Variants in PIAS1 observed in about 807,000 individuals in gnomAD.
PIAS1 encodes the protein protein inhibitor of activated STAT 1.
A neutral mutation model predicts 71.3 loss-of-function variants in PIAS1; 6 were observed. That is an observed-to-expected ratio of 0.08 (90% CI 0.05 to 0.17). The LOEUF (loss-of-function observed/expected upper bound fraction) is 0.17, where lower values mean the gene tolerates loss of function less well. Among genes scored for constraint, PIAS1 ranks in the 10% least tolerant of loss-of-function variants. The pLI is 1.00. For missense variants in PIAS1, 555 were observed against 793.6 expected (o/e 0.70, Z 3.61); for synonymous variants, 303 against 292.9 (o/e 1.03, Z -0.35).
chr15:68,055,501 GT>G (rs1182734944), intron 1 of PIAS1, among the ~76,000 whole-genome samples: 2 of 152,084 alleles, frequency 1.3e-5, no homozygotes, highest in Non-Finnish European at 2.9e-5. Flanking sequence ...GGGGGAGGGG[GT>G]GGTGGAACCC....
At position 68,187,802 on chromosome 15, in the gene PIAS1, T is replaced by C; in HGVS notation, c.1923T>C (p.Phe641=). ...GCAGCACGGACACGGCATCCATCTTTGGCATCATACCAGACATTATTTCAT... is the reference window on the plus strand; with the variant it reads ...GCAGCACGGACACGGCATCCATCTTCGGCATCATACCAGACATTATTTCAT... ...NRSSTDTASI[F]GIIPDIISLD The change falls in exon 14 of 14, where the codon TTT becomes TTC. Residue 641 remains phenylalanine, a synonymous_variant. Transcript: ENST00000249636. This position sits in a 1 kb window ranked among gnomAD's most constrained non-coding sequence, Gnocchi z 5.3. 3 of 1,613,868 alleles carry C rather than the reference T, an allele frequency of 1.9e-6. No homozygotes were observed. Among genetic ancestry groups the C allele is most frequent in the East Asian group, 2.2e-5 (1 of 44,878 alleles).
At chr15:68,177,294 A>AAAAAG in intron 11 of PIAS1, among the ~76,000 whole-genome samples, 1 of 150,976 alleles carries the variant, frequency 6.6e-6, no homozygotes, top group African/African-American at 2.4e-5. Flanking sequence ...AAAAAAAAAA[A>AAAAAG]AAAGAAAGAA....
At chr15:68,076,089 G>C (rs1036801016) in intron 1 of PIAS1, among the ~76,000 whole-genome samples, 1 of 152,100 alleles carries the variant, frequency 6.6e-6, no homozygotes, top group Non-Finnish European at 1.5e-5. Flanking sequence ...TGGCCACCTA[G>C]GGCTTTTAGA....
chr15:68,098,521 T>G (rs911280830), intron 2 of PIAS1, among the ~76,000 whole-genome samples: 2 of 152,184 alleles, frequency 1.3e-5, no homozygotes, highest in Non-Finnish European at 2.9e-5. Flanking sequence ...AAGGGTCAAT[T>G]GTACTTAATT....
rs1199616389 is a variant in PIAS1 at position 68,192,077 on chromosome 15, A to T, written c.*4242A>T. The T allele has an allele frequency of 6.6e-6, 1 of 152,236 alleles. No homozygotes were observed. The highest frequency in any genetic ancestry group is 1.5e-5 in the Non-Finnish European group (1 of 68,038). 9.4% of individuals were successfully genotyped at this position (152,236 alleles called of 1,614,324 possible). ...GCTTTGACGGAAAGTACCCTCATTT[A>T]TTATATCCAGAACTTGCTCTTCCTG... On this transcript the variant is annotated 3_prime_UTR_variant, in exon 14 of 14. Coordinates refer to ENST00000249636, the MANE Select transcript of PIAS1 (RefSeq NM_016166.3).
At chr15:68,084,656 T>A (rs1048170463) in intron 1 of PIAS1, among the ~76,000 whole-genome samples, 1 of 152,158 alleles carries the variant, frequency 6.6e-6, no homozygotes, top group African/African-American at 2.4e-5. Flanking sequence ...CTTTCTTACT[T>A]GTTTATTTGT....
chr15:68,148,084 T>C (rs543453696), intron 6 of PIAS1, among the ~76,000 whole-genome samples: 1 of 152,326 alleles, frequency 6.6e-6, no homozygotes, highest in South Asian at 2.1e-4. Flanking sequence ...ATACAAAGAA[T>C]GTGAACTTAC....
chr15:68,145,699 T>C (rs1595764043), intron 4 of PIAS1, 117 bp from the exon 5 acceptor site: 1 of 631,714 alleles, frequency 1.6e-6, no homozygotes, highest in East Asian at 2.8e-5. Context: ...CCAGTTTTTA[T>C]AGTTTTCCCT....
chr15:68,166,109 A>T (rs2092956322), intron 8 of PIAS1, among the ~76,000 whole-genome samples: 1 of 152,182 alleles, frequency 6.6e-6, no homozygotes, highest in South Asian at 2.1e-4. Context: ...AGAAAAAAAT[A>T]CAATGAAGTT....
At chr15:68,117,284 C>T (rs1175434659) in intron 2 of PIAS1, among the ~76,000 whole-genome samples, 1 of 152,134 alleles carries the variant, frequency 6.6e-6, no homozygotes, top group Non-Finnish European at 1.5e-5. Flanking sequence ...TGGGGTTTCA[C>T]CATGTTGGCC....
chr15:68,193,649 A>C lies in PIAS1; in HGVS notation c.*5814A>C, dbSNP rs2093130400. ...CTTCCTCAACAGGCTCCATGAGGTA[A>C]GAAGTGGGAATCCAGCTTGTGTGGG... On this transcript the variant is annotated 3_prime_UTR_variant, in exon 14 of 14. Transcript: ENST00000249636. 1 of 209,268 alleles carries C rather than the reference A, an allele frequency of 4.8e-6. No individual in the cohort carries two copies. The highest frequency in any genetic ancestry group is 9.7e-6 in the Non-Finnish European group (1 of 103,552). 13.0% of individuals were successfully genotyped at this position (209,268 alleles called of 1,614,324 possible). A position where few individuals can be genotyped will look rare whatever the true frequency, so the allele number is the denominator to read the frequency against.
At chr15:68,156,822 C>T (rs1386656835) in intron 7 of PIAS1, among the ~76,000 whole-genome samples, 1 of 151,074 alleles carries the variant, frequency 6.6e-6, no homozygotes, top group African/African-American at 2.4e-5. Flanking sequence ...TGATAGAAAA[C>T]CATTAAAAGA....
At chr15:68,123,602 C>T (rs2092628382) in intron 2 of PIAS1, among the ~76,000 whole-genome samples, 1 of 151,930 alleles carries the variant, frequency 6.6e-6, no homozygotes, top group Admixed American at 6.6e-5. Flanking sequence ...CATGGAATAC[C>T]ATGGAGACTA....
intron 2 of PIAS1, among the ~76,000 whole-genome samples, chr15:68,121,263 G>GTTTTTTTT (rs71455578): frequency 1.4e-5 from 2 of 139,626 alleles, no homozygotes; most frequent in Non-Finnish European, 1.6e-5. Context: ...ATGTTTTTTT[G>GTTTTTTTT]TTTTTTTTTT....
At chr15:68,097,579 C>A (rs565969666) in intron 2 of PIAS1, among the ~76,000 whole-genome samples, 1 of 152,178 alleles carries the variant, frequency 6.6e-6, no homozygotes, top group South Asian at 2.1e-4. Context: ...ACTACAGGCA[C>A]GCACCACCAC....
rs60879036 is a variant in PIAS1, at chr15:68,119,237, C to CAAAAAAAAAAAAAAAAAAA, written c.470-22700_470-22682dup. Among the ~76,000 whole-genome samples the CAAAAAAAAAAAAAAAAAAA allele has an allele frequency of 3.6e-4, 10 of 27,408 alleles. 4 individuals carry two copies. Among genetic ancestry groups the CAAAAAAAAAAAAAAAAAAA allele is most frequent in the Admixed American group, 7.9e-4 (1 of 1,272 alleles). The allele number at this position is 27,408 out of a possible 152,430, so 18.0% of individuals were successfully genotyped here. ...CAACATGGTGAAACCCCATCTCTAC[C>CAAAAAAAAAAAAAAAAAAA]AAAAAAAAAAAAAAAAAAAAAAAAA... On this transcript the variant is annotated intron_variant, in intron 2 of 13. Transcript: ENST00000249636.
rs144157253 is a variant in PIAS1, at chr15:68,112,872, A to G, written c.469+26122A>G. 3.4e-4 allele frequency among the ~76,000 whole-genome samples: 52 copies of G among 152,268 alleles called. 1 individual carries two copies. The East Asian group carries it at 9.6e-3, about 28-fold the overall frequency. On this transcript the variant is annotated intron_variant, in intron 2 of 13. Coordinates refer to ENST00000249636, the MANE Select transcript of PIAS1 (RefSeq NM_016166.3). Reference sequence around the variant, plus strand: ...AGTATGTCTCGGAAATAACACACAAATGCATGATGCATCCACCCACATACA... The same window carrying G: ...AGTATGTCTCGGAAATAACACACAAGTGCATGATGCATCCACCCACATACA...
intron 1 of PIAS1, chr15:68,057,446 T>C: frequency 2.4e-6 from 1 of 422,726 alleles, no homozygotes; most frequent in Non-Finnish European, 4.6e-6. Flanking sequence ...GGAGTAAAAC[T>C]CAAACCAAGT....
chr15:68,111,801 G>A (rs980783079), intron 2 of PIAS1, among the ~76,000 whole-genome samples: 1 of 151,998 alleles, frequency 6.6e-6, no homozygotes, highest in Non-Finnish European at 1.5e-5. Context: ...AACTAAGGGG[G>A]AATATTTGAA....
Sources: allele counts gnomAD v4.1 joint callset (sites outside exome capture counted in the v4.1 genomes callset), GRCh38; gene constraint gnomAD v4.1.1; non-coding constraint Gnocchi (gnomAD v3.1); transcripts MANE v1.5; gene names NCBI Gene and HGNC (gene_info 2026-07-23, HGNC 2026-07-21).